STK32B: variants seen among roughly 807,000 people sequenced by gnomAD.
STK32B encodes the protein serine/threonine kinase 32B.
A neutral mutation model predicts 52.6 loss-of-function variants in STK32B; 43 were observed. The ratio of observed to expected loss-of-function variants is 0.82; its 90% confidence interval spans 0.64 to 1.05. The LOEUF is 1.05. Ranked by LOEUF, STK32B falls within the 50% of genes least tolerant of loss-of-function variation. STK32B has a pLI of 0.00. For synonymous variants in STK32B, 238 were observed against 204.3 expected, an observed-to-expected ratio of 1.17 and a Z score of -1.41; for missense variants, 621 against 534.6, an observed-to-expected ratio of 1.16 and a Z score of -1.59.
chr4:5,457,461 A>C (rs937100390), intron 8 of STK32B, among the ~76,000 whole-genome samples: 5 of 151,072 alleles, frequency 3.3e-5, no homozygotes, highest in African/African-American at 7.3e-5. Context: ...GTGATCCGCC[A>C]GCCTCGGCCT....
At chr4:5,465,601 C>T (rs981429842) in intron 9 of STK32B, among the ~76,000 whole-genome samples, 5 of 152,168 alleles carry the variant, frequency 3.3e-5, no homozygotes, top group Non-Finnish European at 5.9e-5. Context: ...AGGCATCCAC[C>T]GTTCTGGAAG....
At chr4:5,385,222 G>A (rs1412543070) in intron 4 of STK32B, among the ~76,000 whole-genome samples, 1 of 152,030 alleles carries the variant, frequency 6.6e-6, no homozygotes, top group African/African-American at 2.4e-5. Context: ...GCAAGAGGGT[G>A]GGGGAAATGT....
intron 3 of STK32B, among the ~76,000 whole-genome samples, chr4:5,255,648 T>G (rs1726246167): frequency 6.6e-6 from 1 of 152,182 alleles, no homozygotes; most frequent in Admixed American, 6.5e-5. Context: ...TAACCTCTTT[T>G]TAACTTAATG....
At chr4:5,161,644 T>C (rs1308894698) in intron 2 of STK32B, among the ~76,000 whole-genome samples, 1 of 152,170 alleles carries the variant, frequency 6.6e-6, no homozygotes, top group African/African-American at 2.4e-5. Flanking sequence ...GCTGTAAGTG[T>C]GTATAGAACG....
At chr4:5,198,924 C>T (rs1038426242) in intron 3 of STK32B, among the ~76,000 whole-genome samples, 2 of 149,466 alleles carry the variant, frequency 1.3e-5, no homozygotes, top group Non-Finnish European at 2.9e-5. Context: ...GTCTTTCCTT[C>T]CTAATTATGT....
rs554974245 is a variant in STK32B at position 5,293,281 on chromosome 4, T to G, written c.261-37939T>G. ...GCATGTGTCTTTATAGTAGAATGATTTATAATCCTTTGGGTATATACCCAG... is the reference window on the plus strand; with the variant it reads ...GCATGTGTCTTTATAGTAGAATGATGTATAATCCTTTGGGTATATACCCAG... On this transcript the variant is annotated intron_variant, in intron 3 of 11. Coordinates refer to ENST00000282908, the MANE Select transcript of STK32B (RefSeq NM_018401.3). Among the ~76,000 whole-genome samples the G allele has an allele frequency of 5.9e-5, 9 of 152,238 alleles. 1 individual carries two copies. In the South Asian group the frequency reaches 1.9e-3, roughly 32 times the overall value.
chr4:5,348,520 G>A (rs1397056699), intron 4 of STK32B, among the ~76,000 whole-genome samples: 1 of 152,174 alleles, frequency 6.6e-6, no homozygotes, highest in Non-Finnish European at 1.5e-5. Context: ...TAGTAGAGGG[G>A]TGACTGCACA....
intron 3 of STK32B, among the ~76,000 whole-genome samples, chr4:5,195,405 A>T (rs1721563481): frequency 6.6e-6 from 1 of 152,216 alleles, no homozygotes; most frequent in African/African-American, 2.4e-5. Context: ...AAAGAATATT[A>T]GAATGGGCCG....
At chr4:5,368,076 T>C (rs1734992027) in intron 4 of STK32B, among the ~76,000 whole-genome samples, 1 of 152,166 alleles carries the variant, frequency 6.6e-6, no homozygotes, top group African/African-American at 2.4e-5. Context: ...GCATCTCTAA[T>C]GTGTAAGTCA....
intron 3 of STK32B, among the ~76,000 whole-genome samples, chr4:5,317,288 T>TA (rs1731101608): frequency 6.9e-5 from 4 of 57,894 alleles, no homozygotes; most frequent in Non-Finnish European, 1.0e-4. Context: ...ACATATAACA[T>TA]ATATATAATA....
intron 6 of STK32B, among the ~76,000 whole-genome samples, chr4:5,422,696 G>T (rs531126011): frequency 1.1e-4 from 17 of 152,238 alleles, no homozygotes; most frequent in African/African-American, 3.9e-4. Context: ...GCTGCAGAGC[G>T]GGGTACTGCT....
At chr4:5,446,829 C>T (rs763614392) in intron 7 of STK32B, 53 bp downstream of exon 7, 333 of 1,574,976 alleles carry the variant, frequency 2.1e-4, no homozygotes, top group Non-Finnish European at 2.1e-4. Flanking sequence ...TGGGGGCTCA[C>T]GTTGTACCTG....
In STK32B at chr4:5,500,580, T is replaced by TA. The variant is rs1720647347; in HGVS notation, c.*1498dup. 6.6e-6 allele frequency: 1 copy of TA among 152,250 alleles called. No individual in the cohort carries two copies. The highest frequency in any genetic ancestry group is 2.4e-5 in the African/African-American group (1 of 41,468). 9.4% of individuals were successfully genotyped at this position (152,250 alleles called of 1,614,324 possible). On this transcript the variant is annotated 3_prime_UTR_variant, in exon 12 of 12. Transcript: ENST00000282908. ...TTCCATTTTTCACTTTTTACATGAT[T>TA]ACTCAATCCTTGGGGCTGTCCATGT...
intron 1 of STK32B, among the ~76,000 whole-genome samples, chr4:5,131,118 A>G (rs1423968048): frequency 1.3e-5 from 2 of 152,054 alleles, no homozygotes; most frequent in Admixed American, 6.5e-5. Flanking sequence ...GAAGTCCTCT[A>G]CTCCTATCAG....
At chr4:5,276,692 C>A (rs1020039611) in intron 3 of STK32B, among the ~76,000 whole-genome samples, 3 of 151,992 alleles carry the variant, frequency 2.0e-5, no homozygotes, top group Admixed American at 6.6e-5. Context: ...TGCATCTTTT[C>A]ATCACGAGGC....
At chr4:5,076,478 A>C (rs1712081216) in intron 1 of STK32B, among the ~76,000 whole-genome samples, 1 of 152,286 alleles carries the variant, frequency 6.6e-6, no homozygotes, top group East Asian at 1.9e-4. Flanking sequence ...TCAATTCCCC[A>C]GAGTGGAATT....
chr4:5,315,245 G>GCAAATTAAAATA (rs1298872820), intron 3 of STK32B, among the ~76,000 whole-genome samples: 1 of 152,078 alleles, frequency 6.6e-6, no homozygotes, highest in African/African-American at 2.4e-5. Context: ...TTAGTGAAAT[G>GCAAATTAAAATA]CAAATTAGCC....
chr4:5,336,164 A>ACACC (rs1407605787), intron 4 of STK32B, among the ~76,000 whole-genome samples: 2 of 148,524 alleles, frequency 1.3e-5, no homozygotes, highest in African/African-American at 5.0e-5. Context: ...TGACACCCAC[A>ACACC]CACCCACCCA....
At position 5,395,137 on chromosome 4, in the gene STK32B, C is replaced by G. The variant is rs1736803744; in HGVS notation, c.435-3070C>G. 1.3e-5 allele frequency among the ~76,000 whole-genome samples: 2 copies of G among 152,188 alleles called. No homozygotes were observed. Among genetic ancestry groups the G allele is most frequent in the Admixed American group, 1.3e-4 (2 of 15,282 alleles). ...TCACTCTTCCTCCCAGGGACAGCTA[C>G]ATTCCCCACCGTGTGGCTGGCTCCA... On this transcript the variant is annotated intron_variant, in intron 4 of 11. Transcript: ENST00000282908. The surrounding 1 kb of genome is among the most constrained non-coding windows in gnomAD (Gnocchi z 4.4).
Sources: allele counts gnomAD v4.1 joint callset (sites outside exome capture counted in the v4.1 genomes callset), GRCh38; gene constraint gnomAD v4.1.1; non-coding constraint Gnocchi (gnomAD v3.1); transcripts MANE v1.5; gene names NCBI Gene and HGNC (gene_info 2026-07-23, HGNC 2026-07-21).